The following ATP7A variants were observed in gnomAD, a reference collection of about 807,000 sequenced individuals.
ATP7A encodes the protein copper-transporting ATPase 1.
Under a neutral mutation model 83.5 loss-of-function variants are expected in ATP7A, and 7 were observed. That is an observed-to-expected ratio of 0.08 (90% confidence interval 0.05 to 0.16). The LOEUF (loss-of-function observed/expected upper bound fraction) is 0.16, where lower values mean the gene tolerates loss of function less well. ATP7A is among the 10% of genes least tolerant of loss of function. ATP7A has a pLI of 1.00. For synonymous variants in ATP7A, 354 were observed against 395.2 expected (o/e 0.90, Z 1.24); for missense variants, 940 against 1,120.8 (o/e 0.84, Z 2.30).
At chrX:77,926,059 C>T (rs782181250) in intron 1 of ATP7A, among the ~76,000 whole-genome samples, 1 of 110,623 alleles carries the variant, frequency 9.0e-6, no homozygotes, top group East Asian at 2.9e-4. Context: ...CTCTGGGAAT[C>T]TCATGAAACT....
intron 3 of ATP7A, among the ~76,000 whole-genome samples, chrX:77,988,971 C>A (rs1274037676): frequency 9.0e-6 from 1 of 111,122 alleles, no homozygotes; most frequent in East Asian, 2.8e-4. Flanking sequence ...GTTCTTAACA[C>A]AACATGACTA....
intron 1 of ATP7A, among the ~76,000 whole-genome samples, chrX:77,965,047 A>C (rs1332932680): frequency 9.1e-6 from 1 of 109,650 alleles, no homozygotes; most frequent in Non-Finnish European, 1.9e-5. Flanking sequence ...ATGTAAAAGC[A>C]CTGGACTTTT....
At chrX:77,911,544 A>G (rs2077160051) in intron 1 of ATP7A, among the ~76,000 whole-genome samples, 1 of 107,227 alleles carries the variant, frequency 9.3e-6, no homozygotes, top group South Asian at 4.0e-4. Flanking sequence ...GAATTAGATG[A>G]TACTGAGGTT....
chrX:78,002,446 G>A (rs1483374164), intron 5 of ATP7A, among the ~76,000 whole-genome samples: 1 of 110,395 alleles, frequency 9.1e-6, no homozygotes, highest in African/African-American at 3.3e-5. Flanking sequence ...ACAAGATACA[G>A]TCTCAAGCAA....
chrX:77,920,866 C>A (rs781886817), intron 1 of ATP7A, among the ~76,000 whole-genome samples: 2 of 111,415 alleles, frequency 1.8e-5, no homozygotes, highest in African/African-American at 6.5e-5. Flanking sequence ...GTTCTAAGTT[C>A]TTTGAGAAAT....
At chrX:77,922,591 C>G (rs2077221989) in intron 1 of ATP7A, among the ~76,000 whole-genome samples, 2 of 111,459 alleles carry the variant, frequency 1.8e-5, no homozygotes, top group African/African-American at 3.3e-5. Context: ...ATACACAACC[C>G]TCAACATGTT....
intron 1 of ATP7A, among the ~76,000 whole-genome samples, chrX:77,952,402 A>G (rs782545827): frequency 2.7e-5 from 3 of 111,985 alleles, no homozygotes; most frequent in Non-Finnish European, 5.6e-5. Context: ...TACTAATAAT[A>G]GATATGTAGT....
chrX:78,032,034 A>T, intron 16 of ATP7A, among the ~76,000 whole-genome samples: 1 of 112,288 alleles, frequency 8.9e-6, no homozygotes, highest in Non-Finnish European at 1.9e-5. Context: ...CAATTCAATA[A>T]TTTTAGTATA....
intron 15 of ATP7A, among the ~76,000 whole-genome samples, chrX:78,030,094 A>G (rs1354237533): frequency 8.9e-6 from 1 of 112,409 alleles, no homozygotes; most frequent in Admixed American, 9.4e-5. Flanking sequence ...AGTAATTTTT[A>G]TAGACATTTT....
chrX:78,027,385 C>A (rs1429456535), intron 14 of ATP7A, among the ~76,000 whole-genome samples: 4 of 111,605 alleles, frequency 3.6e-5, no homozygotes, highest in African/African-American at 9.8e-5. Context: ...CCTAGGAATA[C>A]ATTTAACCAA....
At chrX:77,914,915 A>G (rs957469682) in intron 1 of ATP7A, among the ~76,000 whole-genome samples, 7 of 111,432 alleles carry the variant, frequency 6.3e-5, no homozygotes, top group Non-Finnish European at 1.3e-4. Context: ...ATCTTTGAAC[A>G]TTTTCTGGAG....
intron 1 of ATP7A, among the ~76,000 whole-genome samples, chrX:77,961,340 C>T (rs899855389): frequency 3.6e-5 from 4 of 111,666 alleles, no homozygotes; most frequent in African/African-American, 1.3e-4. Flanking sequence ...TGGGACATAC[C>T]CCATGATAAA....
chrX:77,940,213 T>C (rs1027603251), intron 1 of ATP7A, among the ~76,000 whole-genome samples: 1 of 111,199 alleles, frequency 9.0e-6, no homozygotes, highest in African/African-American at 3.3e-5. Flanking sequence ...GTAACTCTCA[T>C]GGTAAGTGTT....
intron 1 of ATP7A, among the ~76,000 whole-genome samples, chrX:77,955,998 A>T (rs782553277): frequency 9.0e-6 from 1 of 111,254 alleles, no homozygotes; most frequent in Admixed American, 9.6e-5. Flanking sequence ...GCTGAATAGT[A>T]TTCCATGTAT....
Position 78,046,305 on chromosome X carries a change from C to T in ATP7A, c.4238C>T (p.Pro1413Leu), listed in dbSNP as rs782416661. The change falls in exon 23 of 23, where the codon CCA becomes CTA. Residue 1413 changes from proline (P) to leucine (L), a missense_variant. Pro to Leu is a moderately conservative substitution (Grantham distance 98). This residue lies in a region of ATP7A where 386 missense variants were observed against 502.2 expected (regional missense o/e 0.77). Coordinates refer to ENST00000341514, the MANE Select transcript of ATP7A (RefSeq NM_000052.7). The stretch of plus-strand genomic sequence containing the variant: ...TTGCATATGTCCAGTTACAGGAAAC[C>T]AACTTACGAGAGTTATGAACTGCCT... ...SSLFLKLYRK[P>L]TYESYELPAR... is the part of the protein sequence containing the mutation. The T allele has an allele frequency of 2.5e-6, 3 of 1,209,906 alleles. No individual in the cohort carries two copies. The African/African-American group carries it at 5.2e-5, about 21-fold the overall frequency.
At chrX:77,956,867 A>T (rs1179586955) in intron 1 of ATP7A, among the ~76,000 whole-genome samples, 1 of 103,671 alleles carries the variant, frequency 9.6e-6, no homozygotes, top group Non-Finnish European at 2.0e-5. Context: ...GCCCAGTCAC[A>T]GCTCACTACA....
At chrX:77,931,673 T>C (rs1380461856) in intron 1 of ATP7A, among the ~76,000 whole-genome samples, 5 of 45,664 alleles carry the variant, frequency 1.1e-4, no homozygotes, top group Admixed American at 2.4e-4. Context: ...CCGGACGGGG[T>C]GGCTGGCCAG....
At chrX:77,952,810 C>G (rs1365545770) in intron 1 of ATP7A, among the ~76,000 whole-genome samples, 1 of 91,879 alleles carries the variant, frequency 1.1e-5, no homozygotes, top group Non-Finnish European at 2.1e-5. Flanking sequence ...TTTTGATAGT[C>G]TTGCTCTGTT....
chrX:77,937,421 T>TATCTC (rs1448486124), intron 1 of ATP7A, among the ~76,000 whole-genome samples: 3 of 112,400 alleles, frequency 2.7e-5, no homozygotes, highest in Non-Finnish European at 5.6e-5. Flanking sequence ...ATTAAACCTG[T>TATCTC]ATCTCCAATA....
Sources: allele counts gnomAD v4.1 joint callset (sites outside exome capture counted in the v4.1 genomes callset), GRCh38; gene constraint gnomAD v4.1.1; regional missense constraint gnomAD v4.1.1; transcripts MANE v1.5; gene names NCBI Gene and HGNC (gene_info 2026-07-23, HGNC 2026-07-21).